Variants in SYCE1 observed in about 807,000 individuals in gnomAD.
SYCE1 encodes the protein synaptonemal complex central element protein 1, also known as cancer/testis antigen 76.
SYCE1 carries 37 observed loss-of-function variants against 55.1 expected under a neutral mutation model. That is an observed-to-expected ratio of 0.67 (90% CI 0.52 to 0.88). SYCE1 has a LOEUF of 0.88. Ranked by LOEUF, SYCE1 falls within the 40% of genes least tolerant of loss-of-function variation. SYCE1 has a pLI of 0.00. For synonymous variants in SYCE1, 163 were observed against 159.4 expected (o/e 1.02, Z -0.17); for missense variants, 399 against 416.4 (o/e 0.96, Z 0.36).
At chr10:133,555,278 C>T (rs1851630863) in intron 12 of SYCE1, 73 bp downstream of exon 12, 1 of 1,602,428 alleles carries the variant, frequency 6.2e-7, no homozygotes, top group African/African-American at 1.3e-5. Context: ...GACCCCCTCC[C>T]TTGTCCTCCC....
downstream of SYCE1, chr10:133,554,688 G>T: frequency 1.3e-6 from 1 of 765,992 alleles, no homozygotes; most frequent in Non-Finnish European, 2.3e-6. Context: ...GACCTGTAAT[G>T]AAGGAATTGA....
At chr10:133,559,110 A>T in intron 3 of SYCE1, 159 bp from the exon 4 acceptor site, 1 of 935,296 alleles carries the variant, frequency 1.1e-6, no homozygotes, top group Non-Finnish European at 1.6e-6. Context: ...TGCTGATAGC[A>T]GGGCCAGGAT....
intron 5 of SYCE1, 33 bp downstream of exon 5, chr10:133,558,134 G>C (rs780118418): frequency 3.7e-6 from 6 of 1,613,690 alleles, no homozygotes; most frequent in Non-Finnish European, 4.2e-6. Context: ...GTTGGCAAAG[G>C]CACAAGCCTG....
chr10:133,556,735 G>A (rs372667465), intron 8 of SYCE1, 24 bp downstream of exon 8: 1 of 1,554,726 alleles, frequency 6.4e-7, no homozygotes, highest in Non-Finnish European at 8.7e-7. Context: ...GTGGAAGGGG[G>A]AGGAGTGGCT....
downstream of SYCE1, chr10:133,554,582 TG>T: frequency 3.0e-6 from 2 of 675,848 alleles, no homozygotes; most frequent in Non-Finnish European, 5.3e-6. Flanking sequence ...AGCTAACCAG[TG>T]GGGACTACCA....
At chr10:133,563,447 A>G (rs11101837) in intron 1 of SYCE1, among the ~76,000 whole-genome samples, 14,911 of 152,174 alleles carry the variant, frequency 0.098, 900 homozygotes, top group East Asian at 0.25. Flanking sequence ...CTTTTGGGAG[A>G]CTGAGGCAGG....
chr10:133,566,154 C>G (rs1294879900), upstream of SYCE1, among the ~76,000 whole-genome samples: 3 of 152,192 alleles, frequency 2.0e-5, no homozygotes, highest in Non-Finnish European at 4.4e-5. Flanking sequence ...GTCCCTGCCG[C>G]GCTGGGGCCA....
chr10:133,557,502 T>C, intron 6 of SYCE1: 1 of 477,756 alleles, frequency 2.1e-6, no homozygotes, highest in Non-Finnish European at 3.7e-6. Flanking sequence ...AATCGATGGG[T>C]GGATGAAAAG....
At position 133,557,209 on chromosome 10, in the gene SYCE1, A is replaced by G. The variant is rs543961892; in HGVS notation, c.375-53T>C. 4.4e-5 allele frequency: 67 copies of G among 1,509,486 alleles called. No individual in the cohort carries two copies. In the African/African-American group the frequency reaches 8.5e-4, roughly 19 times the overall value. 93.5% of individuals were successfully genotyped at this position (1,509,486 alleles called of 1,614,324 possible). On this transcript the variant is annotated intron_variant, in intron 6 of 12. Coordinates refer to ENST00000343131, the MANE Select transcript of SYCE1 (RefSeq NM_001143764.3). ...ATGTTCTCTTAAGCCCCAGGAGGGCACTGGGCTGGGGCTTCTGCCTCCCTC... is the reference window on the plus strand; with the variant it reads ...ATGTTCTCTTAAGCCCCAGGAGGGCGCTGGGCTGGGGCTTCTGCCTCCCTC...
At chr10:133,565,436 T>A (rs540980233) in intron 1 of SYCE1, 21 bp downstream of exon 1, 28 of 1,543,676 alleles carry the variant, frequency 1.8e-5, no homozygotes, top group Non-Finnish European at 2.4e-5. Context: ...TCACGCACAG[T>A]TCCCTGCCTC....
chr10:133,556,417 T>TAACA (rs1390307045), intron 8 of SYCE1: 1 of 518,946 alleles, frequency 1.9e-6, no homozygotes, highest in African/African-American at 1.9e-5. Flanking sequence ...CCTTCCTTCC[T>TAACA]GACACTCACT....
upstream of SYCE1, chr10:133,565,658 T>C (rs944197378): frequency 2.3e-6 from 2 of 867,940 alleles, no homozygotes; most frequent in Non-Finnish European, 3.4e-6. Context: ...CCTGGAGATG[T>C]GAGGTAATTC....
Position 133,558,170 on chromosome 10 carries a change from G to T in SYCE1, c.316C>A (p.Gln106Lys). The T allele has an allele frequency of 2.5e-6, 4 of 1,614,202 alleles. No individual in the cohort carries two copies. The highest frequency in any genetic ancestry group is 3.4e-6 in the Non-Finnish European group (4 of 1,180,038). ...GAGACAGGGGAGCGGCAAATACCTT[G>T]TTTTTTGCTCAAGATCTCCTTCAGG... ...VHLKEILSKKQETLRILRLHC... is the reference protein window; with the variant it reads ...VHLKEILSKKKETLRILRLHC... Residue 106 changes from glutamine to lysine, a missense_variant, in exon 5 of 13, where the codon CAA becomes AAA. Gln to Lys is a moderately conservative substitution (Grantham distance 53). Transcript: ENST00000343131.
chr10:133,564,432 G>A, intron 1 of SYCE1: 1 of 985,366 alleles, frequency 1.0e-6, no homozygotes, highest in Middle Eastern at 5.2e-4. Context: ...GGAACATGGA[G>A]CCATGATACT....
At chr10:133,565,919 C>T (rs557814361), upstream of SYCE1, among the ~76,000 whole-genome samples, 1 of 152,344 alleles carries the variant, frequency 6.6e-6, no homozygotes, top group East Asian at 1.9e-4. Flanking sequence ...GATGACGACT[C>T]CACAAGGCGC....
At chr10:133,564,305 G>C (rs1297685877) in intron 1 of SYCE1, 1 of 838,300 alleles carries the variant, frequency 1.2e-6, no homozygotes, top group Non-Finnish European at 1.4e-6. Flanking sequence ...ATTGCACCTT[G>C]ATCTTGAACT....
intron 5 of SYCE1, 41 bp downstream of exon 5, chr10:133,558,126 T>C (rs772445757): frequency 6.2e-7 from 1 of 1,613,570 alleles, no homozygotes; most frequent in South Asian, 1.1e-5. Flanking sequence ...TTCTGTGGGT[T>C]GGCAAAGGCA....
downstream of SYCE1, chr10:133,554,380 G>A (rs1442513309): frequency 6.4e-7 from 1 of 1,558,348 alleles, no homozygotes; most frequent in South Asian, 1.1e-5. Flanking sequence ...TCTGACTCAG[G>A]AGATGCAGAC....
At chr10:133,565,607 G>T, upstream of SYCE1, 2 of 1,438,762 alleles carry the variant, frequency 1.4e-6, no homozygotes, top group Non-Finnish European at 1.9e-6. Context: ...CTGGGGGCAG[G>T]ACTCCAGGCA....
Sources: allele counts gnomAD v4.1 joint callset (sites outside exome capture counted in the v4.1 genomes callset), GRCh38; gene constraint gnomAD v4.1.1; transcripts MANE v1.5; gene names NCBI Gene and HGNC (gene_info 2026-07-23, HGNC 2026-07-21).